The following OR2L3 variants were observed in gnomAD, a reference collection of about 807,000 sequenced individuals.
OR2L3 encodes olfactory receptor family 2 subfamily L member 3.
For synonymous variants in OR2L3, 131 were observed against 139.1 expected, an observed-to-expected ratio of 0.94 and a Z score of 0.41; for missense variants, 369 against 376.6, an observed-to-expected ratio of 0.98 and a Z score of 0.17.
intron 1 of OR2L3, among the ~76,000 whole-genome samples, chr1:248,057,537 A>T (rs916165624): frequency 3.9e-5 from 6 of 152,140 alleles, no homozygotes; most frequent in African/African-American, 1.2e-4. Flanking sequence ...ATCTTTGCAC[A>T]TAAGATGTGT....
In OR2L3 at chr1:248,061,992, T is replaced by C. The variant is rs1663661237; in HGVS notation, c.*372T>C. ...CAGTAATTTTAAATTTACTTTTTTG[T>C]TTATGTCTAAAACAAAACAAAAAAT... On this transcript the variant is annotated 3_prime_UTR_variant, in exon 2 of 2. Transcript: ENST00000359959. 5 of 170,092 alleles carry C rather than the reference T, an allele frequency of 2.9e-5. No individual in the cohort carries two copies. The South Asian group carries it at 7.5e-4, about 25-fold the overall frequency. The allele number at this position is 170,092 out of a possible 1,614,324, so 10.5% of individuals were successfully genotyped here.
At position 248,047,039 on chromosome 1, in the gene OR2L3, A is replaced by G. The variant is rs143084639; in HGVS notation, c.-22+159A>G. On this transcript the variant is annotated intron_variant, in intron 1 of 1. Transcript: ENST00000359959. ...CACCATTCAGCAGGAATCTTGGAGT[A>G]TGAAATGCACACAACCAAAAATGGT... Among the ~76,000 whole-genome samples, 93 of 152,338 alleles carry G rather than the reference A, an allele frequency of 6.1e-4. 2 individuals carry two copies. The East Asian group carries it at 0.018, about 29-fold the overall frequency.
chr1:248,050,765 A>G (rs564802934), intron 1 of OR2L3, among the ~76,000 whole-genome samples: 33 of 152,318 alleles, frequency 2.2e-4, no homozygotes, highest in Non-Finnish European at 2.1e-4. Flanking sequence ...TAATTATACT[A>G]GTAATATAAA....
chr1:248,060,968 G>C lies in OR2L3; in HGVS notation c.287G>C (p.Cys96Ser). ...AACAAGTCTATCTCCTTCACTGGGT[G>C]TGGGATTCAGAGTTTCTTCTTCTCG... ...SGNKSISFTG[C>S]GIQSFFFSAL... The change falls in exon 2 of 2, where the codon TGT (cysteine) becomes TCT (serine). Residue 96 changes from cysteine (C) to serine (S), a missense_variant. By Grantham distance (112) the Cys-to-Ser change is moderately radical. Coordinates refer to ENST00000359959, the MANE Select transcript of OR2L3 (RefSeq NM_001004687.2). 15 of 1,614,040 alleles carry C rather than the reference G, an allele frequency of 9.3e-6. No individual in the cohort carries two copies. Among genetic ancestry groups the C allele is most frequent in the Non-Finnish European group, 1.3e-5 (15 of 1,179,942 alleles).
In OR2L3 at chr1:248,060,700, A is replaced by T; in HGVS notation, c.19A>T (p.Thr7Ser). 6.2e-7 allele frequency: 1 copy of T among 1,613,196 alleles called. No individual in the cohort carries two copies. The highest frequency in any genetic ancestry group is 8.5e-7 in the Non-Finnish European group (1 of 1,179,354). Residue 7 changes from threonine (T) to serine (S), a missense_variant, in exon 2 of 2, where the codon ACA becomes TCA. Physicochemically the swap from Thr to Ser is moderately conservative, Grantham distance 58. Transcript: ENST00000359959. MENYNQTSTDFILLGFF... is the reference protein window; with the variant it reads MENYNQSSTDFILLGFF... The stretch of plus-strand genomic sequence containing the variant: ...ATGCCCCATGGAAAATTACAATCAA[A>T]CATCAACTGATTTCATCTTATTAGG...
intron 1 of OR2L3, among the ~76,000 whole-genome samples, chr1:248,056,318 A>G (rs12562434): frequency 0.18 from 27,097 of 151,654 alleles, 2,765 homozygotes; most frequent in African/African-American, 0.27. Flanking sequence ...TCCTGGATTC[A>G]TTGTTTGAAG....
chr1:248,061,940 C>G lies in OR2L3; in HGVS notation c.*320C>G. 4.7e-6 allele frequency: 1 copy of G among 210,856 alleles called. No homozygotes were observed. The highest frequency in any genetic ancestry group is 9.5e-6 in the Non-Finnish European group (1 of 105,526). 13.1% of individuals were successfully genotyped at this position (210,856 alleles called of 1,614,324 possible). A position where few individuals can be genotyped will look rare whatever the true frequency, so the allele number is the denominator to read the frequency against. ...TAACTGAAGTTGGCACTCAGCATAA[C>G]AATTTCCTTATGGTCAGTTTATTTT... is the stretch of plus-strand genomic sequence containing the variant. On this transcript the variant is annotated 3_prime_UTR_variant, in exon 2 of 2. Coordinates refer to ENST00000359959, the MANE Select transcript of OR2L3 (RefSeq NM_001004687.2).
chr1:248,048,991 AGACCAGCCTTATATT>A (rs1162772476), intron 1 of OR2L3, among the ~76,000 whole-genome samples: 1 of 150,316 alleles, frequency 6.7e-6, no homozygotes, highest in Non-Finnish European at 1.5e-5. Context: ...AACTTTAAGG[AGACCAGCCTTATATT>A]GTGATGAATA....
At chr1:248,050,334 G>A (rs1663221029) in intron 1 of OR2L3, among the ~76,000 whole-genome samples, 1 of 151,570 alleles carries the variant, frequency 6.6e-6, no homozygotes, top group African/African-American at 2.4e-5. Flanking sequence ...AGCTAATTCT[G>A]TTAATACAAA....
chr1:248,047,434 C>G (rs185719898), intron 1 of OR2L3, among the ~76,000 whole-genome samples: 1 of 152,020 alleles, frequency 6.6e-6, no homozygotes, highest in African/African-American at 2.4e-5. Context: ...AAAGGTACAA[C>G]GAGAATGGTT....
chr1:248,056,757 C>T (rs1572703169), intron 1 of OR2L3, among the ~76,000 whole-genome samples: 2 of 148,578 alleles, frequency 1.3e-5, no homozygotes, highest in East Asian at 2.0e-4. Context: ...AAGCAATTCT[C>T]CTGCCTCGGC....
intron 1 of OR2L3, among the ~76,000 whole-genome samples, chr1:248,059,337 C>T (rs552100856): frequency 3.2e-4 from 48 of 152,210 alleles, no homozygotes; most frequent in African/African-American, 9.6e-4. Context: ...CACCTCTACC[C>T]GGAAGTTTGT....
At chr1:248,049,967 C>T (rs1335479609) in intron 1 of OR2L3, among the ~76,000 whole-genome samples, 4 of 152,066 alleles carry the variant, frequency 2.6e-5, no homozygotes, top group Non-Finnish European at 1.5e-5. Flanking sequence ...TACTGAAAAT[C>T]TCTGAATCTC....
Position 248,060,828 on chromosome 1 carries a change from C to A in OR2L3, c.147C>A (p.Phe49Leu). 1.2e-6 allele frequency: 2 copies of A among 1,614,018 alleles called. No individual in the cohort carries two copies. Among genetic ancestry groups the A allele is most frequent in the Non-Finnish European group, 1.7e-6 (2 of 1,179,924 alleles). The change falls in exon 2 of 2, where the codon TTC becomes TTA. Residue 49 changes from phenylalanine (F) to leucine (L), a missense_variant. Phe to Leu is a conservative substitution (Grantham distance 22, BLOSUM62 0). Transcript: ENST00000359959. ...IGNLSMILLI[F>L]LDTHLHTPMY... ...ACCTATCCATGATTCTTCTCATCTT[C>A]TTGGACACCCATCTCCACACACCCA...
chr1:248,048,120 C>G (rs1663140365), intron 1 of OR2L3, among the ~76,000 whole-genome samples: 1 of 152,166 alleles, frequency 6.6e-6, no homozygotes, highest in Admixed American at 6.5e-5. Flanking sequence ...CAGTTTCTGT[C>G]TAGCCATGGA....
intron 1 of OR2L3, chr1:248,051,194 C>T (rs1408522280): frequency 6.7e-6 from 1 of 149,134 alleles, no homozygotes; most frequent in Non-Finnish European, 1.5e-5. Context: ...CCAGGGTCCA[C>T]CATTCCACTT....
chr1:248,063,191 A>C lies in OR2L3; in HGVS notation c.*1571A>C, dbSNP rs1402057947. The C allele has an allele frequency of 1.3e-5, 2 of 152,232 alleles. No individual in the cohort carries two copies. Among genetic ancestry groups the C allele is most frequent in the Non-Finnish European group, 2.9e-5 (2 of 68,046 alleles). The allele number at this position is 152,232 out of a possible 1,614,324, so 9.4% of individuals were successfully genotyped here. A position where few individuals can be genotyped will look rare whatever the true frequency, so the allele number is the denominator to read the frequency against. On this transcript the variant is annotated 3_prime_UTR_variant, in exon 2 of 2. Transcript: ENST00000359959. ...GAATCTGTAGTTTGGTTATTTAAAT[A>C]ATATTAATTCTTCCAATCCATGAGC...
chr1:248,060,995 C>T lies in OR2L3; in HGVS notation c.314C>T (p.Ala105Val). Residue 105 changes from alanine to valine, a missense_variant, in exon 2 of 2, where the codon GCA becomes GTA. By Grantham distance (64) the Ala-to-Val change is moderately conservative (BLOSUM62 0). Coordinates refer to ENST00000359959, the MANE Select transcript of OR2L3 (RefSeq NM_001004687.2). Reference protein sequence around the residue: ...GCGIQSFFFSALGGAEALLLA... With the variant: ...GCGIQSFFFSVLGGAEALLLA... Reference sequence around the variant, plus strand: ...GGGATTCAGAGTTTCTTCTTCTCGGCATTAGGAGGTGCAGAAGCACTACTT... The same window carrying T: ...GGGATTCAGAGTTTCTTCTTCTCGGTATTAGGAGGTGCAGAAGCACTACTT... 2.5e-6 allele frequency: 4 copies of T among 1,614,048 alleles called. No individual in the cohort carries two copies. Among genetic ancestry groups the T allele is most frequent in the Non-Finnish European group, 3.4e-6 (4 of 1,179,988 alleles).
At chr1:248,057,152 G>A (rs1353700214) in intron 1 of OR2L3, among the ~76,000 whole-genome samples, 3 of 152,074 alleles carry the variant, frequency 2.0e-5, no homozygotes, top group African/African-American at 7.2e-5. Context: ...ACATCTATCA[G>A]GTCCACATGA....
Sources: gnomAD v4.1 joint callset for allele counts (sites outside exome capture counted in the v4.1 genomes callset) on GRCh38, gnomAD v4.1.1 for gene constraint, MANE v1.5 for transcripts, NCBI Gene and HGNC (gene_info 2026-07-23, HGNC 2026-07-21) for gene names.